Variants in MAGI3 observed in about 807,000 individuals in gnomAD.
MAGI3 encodes membrane associated guanylate kinase, WW and PDZ domain containing 3.
Under a neutral mutation model 121.8 loss-of-function variants are expected in MAGI3, and 43 were observed. The ratio of observed to expected loss-of-function variants is 0.35; its 90% CI spans 0.28 to 0.46. The LOEUF is 0.46. Ranked by LOEUF, MAGI3 falls within the 20% of genes least tolerant of loss-of-function variation. MAGI3 has a pLI of 1.00. For synonymous variants in MAGI3, 553 were observed against 639.3 expected (o/e 0.86, Z 2.04); for missense variants, 1,547 against 1,797.3 (o/e 0.86, Z 2.52).
intron 1 of MAGI3, among the ~76,000 whole-genome samples, chr1:113,396,180 T>C (rs528309174): frequency 1.5e-4 from 23 of 152,188 alleles, no homozygotes; most frequent in African/African-American, 5.5e-4. Flanking sequence ...AAGTGCTTTG[T>C]AATTTTTGGG....
intron 1 of MAGI3, among the ~76,000 whole-genome samples, chr1:113,451,267 AC>A (rs775813104): frequency 2.6e-5 from 4 of 152,144 alleles, no homozygotes; most frequent in Non-Finnish European, 5.9e-5. Context: ...ACAGGCTTTA[AC>A]CTGTAAAATT....
intron 1 of MAGI3, among the ~76,000 whole-genome samples, chr1:113,534,755 G>A (rs1180751517): frequency 1.3e-5 from 2 of 151,820 alleles, no homozygotes; most frequent in South Asian, 2.1e-4. Flanking sequence ...TGTCCTCTTC[G>A]TTTTATTTAT....
rs1654148694 is a variant in MAGI3 at position 113,445,790 on chromosome 1, T to C, written c.316+54441T>C. Reference sequence around the variant, plus strand: ...TAAACTATCAGCCAATAATTCTATGTCTGGCAAAACTGTCCTACCAAAGTG... The same window carrying C: ...TAAACTATCAGCCAATAATTCTATGCCTGGCAAAACTGTCCTACCAAAGTG... On this transcript the variant is annotated intron_variant, in intron 1 of 20. Coordinates refer to ENST00000307546, the MANE Select transcript of MAGI3 (RefSeq NM_001142782.2). Among the ~76,000 whole-genome samples, 6 of 152,212 alleles carry C rather than the reference T, an allele frequency of 3.9e-5. No homozygotes were observed. In the South Asian group the frequency reaches 1.2e-3, roughly 31 times the overall value.
At chr1:113,421,811 T>C (rs1652745964) in intron 1 of MAGI3, among the ~76,000 whole-genome samples, 1 of 152,304 alleles carries the variant, frequency 6.6e-6, no homozygotes, top group East Asian at 1.9e-4. Context: ...GGTGTATTTC[T>C]GGACTGCTCT....
At chr1:113,590,004 A>G (rs1259142885) in intron 4 of MAGI3, among the ~76,000 whole-genome samples, 1 of 152,106 alleles carries the variant, frequency 6.6e-6, no homozygotes, top group East Asian at 1.9e-4. Flanking sequence ...GATTCAGTTC[A>G]TGGCTTTGCT....
At chr1:113,457,764 GACCA>G (rs1404016714) in intron 1 of MAGI3, among the ~76,000 whole-genome samples, 1 of 152,030 alleles carries the variant, frequency 6.6e-6, no homozygotes, top group East Asian at 1.9e-4. Flanking sequence ...AATAGGTATT[GACCA>G]ATTATGAATG....
chr1:113,526,042 A>G (rs999439602), intron 1 of MAGI3, among the ~76,000 whole-genome samples: 1 of 152,212 alleles, frequency 6.6e-6, no homozygotes, highest in African/African-American at 2.4e-5. Context: ...TTTGAGTAGA[A>G]TATTCCAAAA....
At chr1:113,518,239 A>G (rs1658020181) in intron 1 of MAGI3, among the ~76,000 whole-genome samples, 1 of 152,064 alleles carries the variant, frequency 6.6e-6, no homozygotes, top group Admixed American at 6.6e-5. Context: ...TTTCAGATTT[A>G]TGGTTATAGA....
intron 9 of MAGI3, among the ~76,000 whole-genome samples, chr1:113,626,424 CT>C (rs535631969): frequency 1.3e-5 from 2 of 151,868 alleles, no homozygotes; most frequent in Non-Finnish European, 2.9e-5. Context: ...CTGTAGTTTT[CT>C]TTTTTTTGAT....
At chr1:113,405,257 T>C (rs1401440998) in intron 1 of MAGI3, among the ~76,000 whole-genome samples, 2 of 152,100 alleles carry the variant, frequency 1.3e-5, no homozygotes, top group African/African-American at 4.8e-5. Context: ...AGTGGATTGC[T>C]TGAGCCCAGG....
intron 1 of MAGI3, among the ~76,000 whole-genome samples, chr1:113,447,523 A>T (rs544612825): frequency 6.6e-6 from 1 of 152,328 alleles, no homozygotes; most frequent in East Asian, 1.9e-4. Flanking sequence ...GATAAATATT[A>T]AAAACATAGC....
At chr1:113,524,181 A>G (rs1658340958) in intron 1 of MAGI3, among the ~76,000 whole-genome samples, 1 of 152,214 alleles carries the variant, frequency 6.6e-6, no homozygotes, top group Non-Finnish European at 1.5e-5. Flanking sequence ...ATGTCCAGGC[A>G]GAAGTTTGCT....
intron 1 of MAGI3, among the ~76,000 whole-genome samples, chr1:113,428,365 C>T (rs1364930113): frequency 1.3e-5 from 2 of 152,062 alleles, no homozygotes; most frequent in African/African-American, 4.8e-5. Flanking sequence ...ATTTTTAGTT[C>T]ATTCAGCTCT....
Position 113,579,004 on chromosome 1 carries a change from A to T in MAGI3, c.434-1538A>T, listed in dbSNP as rs1647841316. On this transcript the variant is annotated intron_variant, in intron 2 of 20. Coordinates refer to ENST00000307546, the MANE Select transcript of MAGI3 (RefSeq NM_001142782.2). ...ACAGAATATAATAGAATGTAATGTGACTAAAAACAGTAGGAGCAATTAAGA... is the reference window on the plus strand; with the variant it reads ...ACAGAATATAATAGAATGTAATGTGTCTAAAAACAGTAGGAGCAATTAAGA... Among the ~76,000 whole-genome samples the T allele has an allele frequency of 2.0e-5, 3 of 152,258 alleles. No individual in the cohort carries two copies. The South Asian group carries it at 6.2e-4, about 32-fold the overall frequency.
chr1:113,617,433 A>G (rs1220819601), intron 7 of MAGI3, among the ~76,000 whole-genome samples: 2 of 152,210 alleles, frequency 1.3e-5, no homozygotes, highest in Non-Finnish European at 2.9e-5. Context: ...AATGAAAAGG[A>G]CAGTATTTTC....
chr1:113,396,912 T>G (rs1269601516), intron 1 of MAGI3, among the ~76,000 whole-genome samples: 1 of 152,174 alleles, frequency 6.6e-6, no homozygotes, highest in Non-Finnish European at 1.5e-5. Context: ...AGTATGAATT[T>G]TGGTGAAAAT....
At chr1:113,682,176 T>TTTC in intron 20 of MAGI3, 3 of 1,570,946 alleles carry the variant, frequency 1.9e-6, no homozygotes, top group South Asian at 1.2e-5. Flanking sequence ...TTTTTTTTTT[T>TTTC]CACATAGTCC....
intron 1 of MAGI3, among the ~76,000 whole-genome samples, chr1:113,411,564 GAT>G (rs1381293952): frequency 6.6e-6 from 1 of 151,870 alleles, no homozygotes; most frequent in Non-Finnish European, 1.5e-5. Context: ...ATCTAGAAAT[GAT>G]ATGTTTTAAG....
chr1:113,509,064 A>G (rs1225147553), intron 1 of MAGI3, among the ~76,000 whole-genome samples: 2 of 152,170 alleles, frequency 1.3e-5, no homozygotes, highest in Non-Finnish European at 1.5e-5. Context: ...TGGAGAATTT[A>G]CTGTTAATAT....
Sources: allele counts gnomAD v4.1 joint callset (sites outside exome capture counted in the v4.1 genomes callset), GRCh38; gene constraint gnomAD v4.1.1; transcripts MANE v1.5; gene names NCBI Gene and HGNC (gene_info 2026-07-23, HGNC 2026-07-21).